CEMIP2: variants seen among roughly 807,000 people sequenced by gnomAD.
CEMIP2 encodes cell surface hyaluronidase CEMIP2.
CEMIP2 carries 79 observed loss-of-function variants against 146.9 expected under a neutral mutation model. The ratio of observed to expected loss-of-function variants is 0.54; its 90% CI spans 0.45 to 0.65. The LOEUF is 0.65. Ranked by LOEUF, CEMIP2 falls within the 30% of genes least tolerant of loss-of-function variation. The pLI, the probability that CEMIP2 is intolerant of heterozygous loss-of-function variation, is 0.00. For synonymous variants in CEMIP2, 601 were observed against 606.3 expected, an observed-to-expected ratio of 0.99 and a Z score of 0.13; for missense variants, 1,596 against 1,696.2, an observed-to-expected ratio of 0.94 and a Z score of 1.04.
Position 71,730,143 on chromosome 9 carries a change from A to G in CEMIP2, c.1884T>C (p.Gly628=), listed in dbSNP as rs1323042837. 1.9e-6 allele frequency: 3 copies of G among 1,614,184 alleles called. No homozygotes were observed. The highest frequency in any genetic ancestry group is 2.2e-5 in the East Asian group (1 of 44,892). The stretch of plus-strand genomic sequence containing the variant: ...TGTTCCTATCGGTGGGCAGGAGAGT[A>G]CCCGGCTTGGTGAGGAGTCCCAGAT... The part of the protein sequence containing the change: ...FHNLGLLTKP[G]TLLPTDRNNS... Residue 628 remains glycine, a synonymous_variant, in exon 9 of 24, where the codon GGT becomes GGC. Transcript: ENST00000377044.
At chr9:71,723,269 G>C (rs1471341280) in intron 11 of CEMIP2, among the ~76,000 whole-genome samples, 1 of 151,020 alleles carries the variant, frequency 6.6e-6, no homozygotes, top group Non-Finnish European at 1.5e-5. Flanking sequence ...CAGGACAATA[G>C]GAATTTAATA....
Position 71,685,810 on chromosome 9 carries a change from C to G in CEMIP2, c.3888G>C (p.Lys1296Asn). 2 of 1,614,054 alleles carry G rather than the reference C, an allele frequency of 1.2e-6. No individual in the cohort carries two copies. Among genetic ancestry groups the G allele is most frequent in the Non-Finnish European group, 8.5e-7 (1 of 1,179,968 alleles). ...IVLLSTRGEI[K>N]QLNISHLLVP... ...CTAGTAAGTGTGAAATGTTTAACTG[C>G]TTTATTTCTCCTCTTGTGCTCAACA... The change falls in exon 23 of 24, where the codon AAG (lysine) becomes AAC (asparagine). Residue 1296 changes from lysine (K) to asparagine (N), a missense_variant. Coordinates refer to ENST00000377044, the MANE Select transcript of CEMIP2 (RefSeq NM_013390.3).
chr9:71,745,001 G>C lies in CEMIP2; in HGVS notation c.1034+17C>G. 3 of 1,605,916 alleles carry C rather than the reference G, an allele frequency of 1.9e-6. No individual in the cohort carries two copies. The highest frequency in any genetic ancestry group is 2.2e-5 in the South Asian group (2 of 90,196). On this transcript the variant is annotated intron_variant, in intron 4 of 23. Transcript: ENST00000377044. Reference sequence around the variant, plus strand: ...GACACGGACTCTGATAGGGATCTGGGAAGAAGGTATGCCTACCTGTAGCCC... The same window carrying C: ...GACACGGACTCTGATAGGGATCTGGCAAGAAGGTATGCCTACCTGTAGCCC...
intron 16 of CEMIP2, 118 bp downstream of exon 16, chr9:71,711,965 A>G (rs1258184438): frequency 3.9e-5 from 42 of 1,083,038 alleles, no homozygotes; most frequent in Non-Finnish European, 5.3e-5. Flanking sequence ...CTCTGTGTGT[A>G]TGTCTCCTCC....
rs1381800007 is a variant in CEMIP2 at position 71,722,472 on chromosome 9, C to G, written c.2222G>C (p.Ser741Thr). The G allele has an allele frequency of 6.2e-7, 1 of 1,613,826 alleles. No individual in the cohort carries two copies. The highest frequency in any genetic ancestry group is 1.7e-5 in the Admixed American group (1 of 59,914). Residue 741 changes from serine to threonine, a missense_variant, in exon 12 of 24, where the codon AGT becomes ACT. By Grantham distance (58) the Ser-to-Thr change is moderately conservative. Coordinates refer to ENST00000377044, the MANE Select transcript of CEMIP2 (RefSeq NM_013390.3). ...IDKGVKTTNS[S>T]AADPREYLCL... is the part of the protein sequence containing the mutation. ...GAGGTATTCCCTTGGGTCAGCAGCA[C>G]TAGAGTTGGTTGTTTTGACACCTTT... is the stretch of plus-strand genomic sequence containing the variant.
chr9:71,714,190 A>G (rs971156862), intron 15 of CEMIP2, among the ~76,000 whole-genome samples: 9 of 152,204 alleles, frequency 5.9e-5, no homozygotes, highest in Non-Finnish European at 7.3e-5. Context: ...ATTCTTAAAG[A>G]ATTATGACAT....
At position 71,750,289 on chromosome 9, in the gene CEMIP2, G is replaced by T. The variant is rs761766028; in HGVS notation, c.85C>A (p.Pro29Thr). 2 of 1,613,726 alleles carry T rather than the reference G, an allele frequency of 1.2e-6. No homozygotes were observed. The highest frequency in any genetic ancestry group is 1.7e-6 in the Non-Finnish European group (2 of 1,180,000). Reference protein sequence around the residue: ...GNSRHPSGYVPGKVVPLRPPP... With the variant: ...GNSRHPSGYVTGKVVPLRPPP... ...GGACGCAATGGGACAACCTTCCCTG[G>T]AACATAGCCAGATGGGTGACGACTA... Residue 29 changes from proline (P) to threonine (T), a missense_variant, in exon 2 of 24, where the codon CCA (proline) becomes ACA (threonine). Transcript: ENST00000377044.
chr9:71,762,503 C>CACAAAAAA (rs1824664564), intron 1 of CEMIP2, among the ~76,000 whole-genome samples: 1 of 79,734 alleles, frequency 1.3e-5, no homozygotes, highest in Non-Finnish European at 2.3e-5. Flanking sequence ...GCCCCGTCAC[C>CACAAAAAA]AAAAAAAAAA....
At chr9:71,753,993 T>G (rs1443260246) in intron 1 of CEMIP2, among the ~76,000 whole-genome samples, 1 of 152,148 alleles carries the variant, frequency 6.6e-6, no homozygotes, top group Non-Finnish European at 1.5e-5. Flanking sequence ...ATGTTCTCAC[T>G]CATAGGTGGG....
intron 18 of CEMIP2, among the ~76,000 whole-genome samples, chr9:71,701,182 T>G (rs1215632810): frequency 6.6e-6 from 1 of 152,208 alleles, no homozygotes; most frequent in East Asian, 1.9e-4. Context: ...CTCAGCTCAC[T>G]GTGACCTCCG....
At chr9:71,713,577 C>G (rs1038631850) in intron 15 of CEMIP2, among the ~76,000 whole-genome samples, 2 of 152,108 alleles carry the variant, frequency 1.3e-5, no homozygotes, top group Admixed American at 1.3e-4. Flanking sequence ...CCTTACCAAA[C>G]AGCAAAAAGC....
chr9:71,716,562 A>T lies in CEMIP2; in HGVS notation c.2400-10T>A. 1.3e-6 allele frequency: 2 copies of T among 1,589,698 alleles called. No individual in the cohort carries two copies. The highest frequency in any genetic ancestry group is 2.3e-5 in the South Asian group (2 of 87,194). On this transcript the variant is annotated splice_polypyrimidine_tract_variant and intron_variant, in intron 13 of 23. Coordinates refer to ENST00000377044, the MANE Select transcript of CEMIP2 (RefSeq NM_013390.3). ...TCCATTATCTGCAAATCTGTAAAAG[A>T]AGAGAGAATGAAGAACATTTTAATT...
At chr9:71,699,008 C>G (rs1490873883) in intron 19 of CEMIP2, among the ~76,000 whole-genome samples, 1 of 146,204 alleles carries the variant, frequency 6.8e-6, no homozygotes, top group Admixed American at 7.0e-5. Context: ...AAATGGCACA[C>G]TGAGTATCTC....
intron 7 of CEMIP2, among the ~76,000 whole-genome samples, chr9:71,731,988 T>C (rs1228716263): frequency 2.6e-5 from 4 of 152,222 alleles, no homozygotes; most frequent in Admixed American, 2.0e-4. Context: ...CCTTTGGTAA[T>C]ACTATGCTTT....
chr9:71,704,755 G>GT lies in CEMIP2; in HGVS notation c.3033dup (p.Arg1012ThrfsTer3). 1 of 1,614,100 alleles carries GT rather than the reference G, an allele frequency of 6.2e-7. No homozygotes were observed. The highest frequency in any genetic ancestry group is 8.5e-7 in the Non-Finnish European group (1 of 1,180,018). ...ATAGGGTTGGACGGATACTCATCTCGTGTAATGGTCATAGAAAGATTCTGA... is the reference window on the plus strand; with the variant it reads ...ATAGGGTTGGACGGATACTCATCTCGTTGTAATGGTCATAGAAAGATTCTGA... On this transcript the variant is annotated frameshift_variant, in exon 18 of 24. Coordinates refer to ENST00000377044, the MANE Select transcript of CEMIP2 (RefSeq NM_013390.3). LOFTEE classifies it high-confidence loss of function.
At chr9:71,754,545 G>A (rs1420878179) in intron 1 of CEMIP2, among the ~76,000 whole-genome samples, 3 of 152,122 alleles carry the variant, frequency 2.0e-5, no homozygotes, top group Non-Finnish European at 4.4e-5. Context: ...GAGCATATGA[G>A]TATTTTATGA....
rs1170382858 is a variant in CEMIP2 at position 71,730,785 on chromosome 9, G to A, written c.1693C>T (p.His565Tyr). ...GDVDYKGGYR[H>Y]ATFVDGLSIH... Reference sequence around the variant, plus strand: ...GACAGGCCGTCCACAAATGTTGCATGTCTGTATCCTCCTTTATAATCCACG... The same window carrying A: ...GACAGGCCGTCCACAAATGTTGCATATCTGTATCCTCCTTTATAATCCACG... Residue 565 changes from histidine (H) to tyrosine (Y), a missense_variant, in exon 8 of 24, where the codon CAT becomes TAT. Transcript: ENST00000377044. 1.2e-6 allele frequency: 2 copies of A among 1,614,092 alleles called. No homozygotes were observed. The highest frequency in any genetic ancestry group is 1.7e-6 in the Non-Finnish European group (2 of 1,180,062).
intron 12 of CEMIP2, among the ~76,000 whole-genome samples, chr9:71,720,607 G>A (rs768343183): frequency 7.2e-5 from 11 of 152,150 alleles, no homozygotes; most frequent in Non-Finnish European, 1.6e-4. Flanking sequence ...TAACTGTTCA[G>A]TCAGCTTCCT....
intron 10 of CEMIP2, among the ~76,000 whole-genome samples, chr9:71,726,687 T>C (rs1823394684): frequency 6.6e-6 from 1 of 152,224 alleles, no homozygotes; most frequent in Non-Finnish European, 1.5e-5. Context: ...CATATATTTA[T>C]ACCTACACAC....
Sources: allele counts gnomAD v4.1 joint callset (sites outside exome capture counted in the v4.1 genomes callset), GRCh38; gene constraint gnomAD v4.1.1; transcripts MANE v1.5; gene names NCBI Gene and HGNC (gene_info 2026-07-23, HGNC 2026-07-21).